The following CEP162 variants were observed in gnomAD, a reference collection of about 807,000 sequenced individuals.
The protein encoded by CEP162 is centrosomal protein of 162 kDa.
In CEP162, 141 loss-of-function variants were observed where a neutral mutation model predicts 169.2. That is an observed-to-expected ratio of 0.83 (90% CI 0.73 to 0.96). The LOEUF is 0.96. Ranked by LOEUF, CEP162 falls within the 40% of genes least tolerant of loss-of-function variation. The pLI, the probability that CEP162 is intolerant of heterozygous loss-of-function variation, is 0.00. For synonymous variants in CEP162, 540 were observed against 526.4 expected (o/e 1.03, Z -0.35); for missense variants, 1,600 against 1,587.2 (o/e 1.01, Z -0.14).
At chr6:84,164,080 G>A (rs942069565) in intron 18 of CEP162, among the ~76,000 whole-genome samples, 1 of 151,442 alleles carries the variant, frequency 6.6e-6, no homozygotes, top group African/African-American at 2.4e-5. Flanking sequence ...CATTTATGCG[G>A]TCAACAAACA....
chr6:84,137,209 C>A (rs948320917), intron 25 of CEP162, among the ~76,000 whole-genome samples: 1 of 152,296 alleles, frequency 6.6e-6, no homozygotes, highest in African/African-American at 2.4e-5. Context: ...AAGAGAAATG[C>A]GTCATGCTGC....
intron 23 of CEP162, among the ~76,000 whole-genome samples, chr6:84,150,746 G>A (rs1455585485): frequency 1.3e-5 from 2 of 152,090 alleles, no homozygotes; most frequent in Non-Finnish European, 2.9e-5. Flanking sequence ...AGAGCTTCAT[G>A]CTACTGTCAT....
chr6:84,225,854 G>A (rs1419210062), intron 2 of CEP162, among the ~76,000 whole-genome samples: 1 of 152,176 alleles, frequency 6.6e-6, no homozygotes, highest in East Asian at 1.9e-4. Flanking sequence ...TAAAGAGTAA[G>A]GGAGGAGCAT....
At chr6:84,204,944 AC>A (rs34989443) in intron 6 of CEP162, among the ~76,000 whole-genome samples, 33,268 of 151,950 alleles carry the variant, frequency 0.22, 7,983 homozygotes, top group African/African-American at 0.6. Context: ...TACTATAAAC[AC>A]CCCCTAAGCA....
chr6:84,183,891 C>T (rs886718670), intron 13 of CEP162, among the ~76,000 whole-genome samples: 3 of 152,084 alleles, frequency 2.0e-5, no homozygotes, highest in African/African-American at 7.2e-5. Context: ...TAGATGGCTA[C>T]TTCGTATCTT....
rs773022159 is a variant in CEP162 at position 84,134,917 on chromosome 6, TATAC to T, written c.3871-8409_3871-8406del. Among the ~76,000 whole-genome samples the T allele has an allele frequency of 6.9e-3, 510 of 73,566 alleles. 3 individuals are homozygous for T. The highest frequency in any genetic ancestry group is 0.017 in the East Asian group (34 of 2,014). The allele number at this position is 73,566 out of a possible 152,430, so 48.3% of individuals were successfully genotyped here. ...TATATACTGTCATGAAAAGATCATA[TATAC>T]ACACACACACACACACACACACACA... On this transcript the variant is annotated intron_variant, in intron 25 of 26. Coordinates refer to ENST00000403245, the MANE Select transcript of CEP162 (RefSeq NM_014895.4).
At chr6:84,220,913 T>TA (rs1330094951) in intron 3 of CEP162, 144 bp downstream of exon 3, 4 of 505,372 alleles carry the variant, frequency 7.9e-6, no homozygotes, top group African/African-American at 3.9e-5. Flanking sequence ...AAGTACTGGT[T>TA]ATATGAAAAT....
intron 13 of CEP162, among the ~76,000 whole-genome samples, chr6:84,180,351 A>T (rs2099534263): frequency 6.6e-6 from 1 of 152,172 alleles, no homozygotes; most frequent in African/African-American, 2.4e-5. Context: ...ATCTCAAAAT[A>T]ATAAGAGCTA....
At chr6:84,136,000 C>A (rs6936765) in intron 25 of CEP162, among the ~76,000 whole-genome samples, 1 of 152,198 alleles carries the variant, frequency 6.6e-6, no homozygotes, top group African/African-American at 2.4e-5. Flanking sequence ...CTTACTTAAT[C>A]TAGAGGGTTT....
At chr6:84,134,955 C>T (rs904983856) in intron 25 of CEP162, among the ~76,000 whole-genome samples, 157 of 127,890 alleles carry the variant, frequency 1.2e-3, no homozygotes, top group Admixed American at 2.8e-3. Flanking sequence ...CACACACACA[C>T]ATATATAGTG....
In CEP162 at chr6:84,149,591, C is replaced by A. The variant is rs753119513; in HGVS notation, c.3742G>T (p.Glu1248Ter). The A allele has an allele frequency of 1.2e-6, 2 of 1,600,716 alleles. No homozygotes were observed. Among genetic ancestry groups the A allele is most frequent in the East Asian group, 2.2e-5 (1 of 44,480 alleles). ...TGAGTTGCTATTTTACGATTTAGTT[C>A]AGCTACTTTGGAAGAAGAATTTTCT... is the stretch of plus-strand genomic sequence containing the variant. ...AVENSSSKVA[E>*]LNRKIATQEV... The change falls in exon 24 of 27, where the codon GAA (glutamate) becomes TAA (stop). Residue 1248 changes from glutamate (E) to a stop codon, truncating the protein, a stop_gained. Transcript: ENST00000403245. LOFTEE classifies it high-confidence loss of function.
chr6:84,203,077 C>T (rs2099545299), intron 7 of CEP162, among the ~76,000 whole-genome samples: 1 of 152,098 alleles, frequency 6.6e-6, no homozygotes. Flanking sequence ...CATAACAAAA[C>T]AACAATATTA....
At chr6:84,204,690 C>A (rs1423796529) in intron 6 of CEP162, among the ~76,000 whole-genome samples, 3 of 152,132 alleles carry the variant, frequency 2.0e-5, no homozygotes, top group African/African-American at 7.2e-5. Context: ...TGAGCAAACA[C>A]ATTCAAAAGC....
At chr6:84,173,686 C>CTTTTTTT (rs3066635) in intron 16 of CEP162, among the ~76,000 whole-genome samples, 4 of 140,550 alleles carry the variant, frequency 2.8e-5, no homozygotes, top group South Asian at 2.3e-4. Context: ...TTTAATATAC[C>CTTTTTTT]TTTTTTTTTT....
At position 84,200,970 on chromosome 6, in the gene CEP162, A is replaced by G; in HGVS notation, c.719-65T>C. 4.8e-6 allele frequency: 5 copies of G among 1,039,424 alleles called. No homozygotes were observed. In the South Asian group the frequency reaches 5.3e-5, roughly 11 times the overall value. The allele number at this position is 1,039,424 out of a possible 1,614,324, so 64.4% of individuals were successfully genotyped here. A position where few individuals can be genotyped will look rare whatever the true frequency, so the allele number is the denominator to read the frequency against. ...AACTCAGTGGTTCTGTTGATCTAAT[A>G]CAATTATTTTAAACATATGCAATGC... On this transcript the variant is annotated intron_variant, in intron 8 of 26. Coordinates refer to ENST00000403245, the MANE Select transcript of CEP162 (RefSeq NM_014895.4).
At chr6:84,184,515 C>G (rs1218260282) in intron 13 of CEP162, among the ~76,000 whole-genome samples, 1 of 152,144 alleles carries the variant, frequency 6.6e-6, no homozygotes, top group African/African-American at 2.4e-5. Flanking sequence ...CAGTCCTCAT[C>G]TATCTTAATC....
intron 5 of CEP162, among the ~76,000 whole-genome samples, 198 bp downstream of exon 5, chr6:84,215,084 T>G (rs1047049843): frequency 2.0e-5 from 3 of 152,206 alleles, no homozygotes; most frequent in Non-Finnish European, 4.4e-5. Flanking sequence ...GGAGGCAGCA[T>G]GGGCTCTCAA....
chr6:84,139,335 C>T (rs1166149189), intron 25 of CEP162, among the ~76,000 whole-genome samples: 2 of 152,114 alleles, frequency 1.3e-5, no homozygotes, highest in Non-Finnish European at 2.9e-5. Context: ...ATTGATTGTT[C>T]TTTGTTGAAG....
intron 9 of CEP162, among the ~76,000 whole-genome samples, chr6:84,196,169 G>A (rs2099542045): frequency 6.6e-6 from 1 of 152,142 alleles, no homozygotes; most frequent in African/African-American, 2.4e-5. Context: ...GGGACCTGGT[G>A]GGAGGTGATA....
Sources: gnomAD v4.1 joint callset for allele counts (sites outside exome capture counted in the v4.1 genomes callset) on GRCh38, gnomAD v4.1.1 for gene constraint, MANE v1.5 for transcripts, NCBI Gene and HGNC (gene_info 2026-07-23, HGNC 2026-07-21) for gene names.